SRPX: variants seen among roughly 807,000 people sequenced by gnomAD.
SRPX encodes the protein sushi repeat containing protein X-linked, also known as sushi repeat-containing protein SRPX.
In SRPX, 24 loss-of-function variants were observed where a neutral mutation model predicts 38.1. That is an observed-to-expected ratio of 0.63 (90% CI 0.46 to 0.89). The LOEUF (loss-of-function observed/expected upper bound fraction) is 0.89. Among genes scored for constraint, SRPX ranks in the 40% least tolerant of loss-of-function variants. SRPX has a pLI of 0.00. For synonymous variants in SRPX, 184 were observed against 153.8 expected, an observed-to-expected ratio of 1.20 and a Z score of -1.45; for missense variants, 416 against 377.8, an observed-to-expected ratio of 1.10 and a Z score of -0.84.
chrX:38,172,201 C>A lies in SRPX; in HGVS notation c.350-144G>T, dbSNP rs970094461. The A allele has an allele frequency of 1.1e-5, 7 of 614,841 alleles. No individual in the cohort carries two copies. The South Asian group carries it at 2.4e-4, about 21-fold the overall frequency. The allele number at this position is 614,841 out of a possible 1,213,427, so 50.7% of individuals were successfully genotyped here. On this transcript the variant is annotated intron_variant, in intron 3 of 9. Transcript: ENST00000378533. Reference sequence around the variant, plus strand: ...AGGCGCAGTGGCTCACTCCTGTAATCCCAGCACTTTGGGAGGTCGAGGCAG... The same window carrying A: ...AGGCGCAGTGGCTCACTCCTGTAATACCAGCACTTTGGGAGGTCGAGGCAG...
chrX:38,204,016 A>G (rs1346368888), intron 1 of SRPX, among the ~76,000 whole-genome samples: 1 of 112,602 alleles, frequency 8.9e-6, no homozygotes, highest in Non-Finnish European at 1.9e-5. Context: ...AAAATGAAAT[A>G]CTTATAAATC....
At chrX:38,190,098 T>A (rs1464815825) in intron 1 of SRPX, among the ~76,000 whole-genome samples, 1 of 112,172 alleles carries the variant, frequency 8.9e-6, no homozygotes, top group Non-Finnish European at 1.9e-5. Flanking sequence ...TTCTGGCACA[T>A]CTTGGCAAAA....
At chrX:38,161,151 G>A in intron 5 of SRPX, 97 bp from the exon 6 acceptor site, 2 of 983,140 alleles carry the variant, frequency 2.0e-6, no homozygotes, top group Non-Finnish European at 2.7e-6. Flanking sequence ...AGAGACTGAG[G>A]GGCAACCATT....
rs758147320 is a variant in SRPX, at chrX:38,149,829, T to C, written c.1277A>G (p.Lys426Arg). The part of the protein sequence containing the change: ...MVLVDKHGMD[K>R]ERYVSLVMPV... ...CATCACCAGGGAGACATAGCGCTCT[T>C]TGTCCATGCCATGCTTATCCACTAG... Residue 426 changes from lysine (K) to arginine (R), a missense_variant, in exon 10 of 10, where the codon AAA becomes AGA. Physicochemically the swap from Lys to Arg is conservative, Grantham distance 26 (BLOSUM62 2). Transcript: ENST00000378533. 1.7e-6 allele frequency: 2 copies of C among 1,211,181 alleles called. No individual in the cohort carries two copies. Among genetic ancestry groups the C allele is most frequent in the South Asian group, 3.5e-5 (2 of 56,809 alleles).
intron 8 of SRPX, 83 bp from the exon 9 acceptor site, chrX:38,154,666 G>A: frequency 9.1e-7 from 1 of 1,101,671 alleles, no homozygotes. Context: ...GACAGAAGCA[G>A]CACTGGCCTG....
intron 8 of SRPX, among the ~76,000 whole-genome samples, 188 bp downstream of exon 8, chrX:38,156,708 T>C (rs1938138479): frequency 8.9e-6 from 1 of 112,447 alleles, no homozygotes; most frequent in African/African-American, 3.2e-5. Context: ...GGGTTAACTC[T>C]AAGGAGTCAA....
chrX:38,199,170 G>T (rs373841546), intron 1 of SRPX, among the ~76,000 whole-genome samples: 1 of 111,727 alleles, frequency 9.0e-6, no homozygotes, highest in East Asian at 2.8e-4. Context: ...ACTTTGGGAG[G>T]CCGAGGCGGG....
intron 1 of SRPX, among the ~76,000 whole-genome samples, chrX:38,212,039 G>T (rs900549598): frequency 1.8e-5 from 2 of 112,077 alleles, no homozygotes; most frequent in Admixed American, 1.9e-4. Flanking sequence ...CGGAGTGGCA[G>T]GAGCGGCCCT....
intron 1 of SRPX, among the ~76,000 whole-genome samples, chrX:38,184,959 A>T (rs1434903169): frequency 8.9e-6 from 1 of 112,179 alleles, no homozygotes; most frequent in Non-Finnish European, 1.9e-5. Flanking sequence ...AAACAAGAGA[A>T]GTGAATGTTT....
chrX:38,163,806 A>C (rs923022580), intron 5 of SRPX, among the ~76,000 whole-genome samples: 1 of 112,304 alleles, frequency 8.9e-6, no homozygotes, highest in Admixed American at 9.4e-5. Flanking sequence ...TTTTAAAAAT[A>C]AATTAAAAAG....
At chrX:38,162,060 T>C (rs948741861) in intron 5 of SRPX, among the ~76,000 whole-genome samples, 2 of 112,334 alleles carry the variant, frequency 1.8e-5, no homozygotes, top group Non-Finnish European at 3.8e-5. Context: ...TTTTGAGACA[T>C]GCTGCTGTTG....
At chrX:38,191,083 C>T (rs1938895143) in intron 1 of SRPX, among the ~76,000 whole-genome samples, 1 of 111,690 alleles carries the variant, frequency 9.0e-6, no homozygotes, top group Non-Finnish European at 1.9e-5. Flanking sequence ...AAAGAGAGAT[C>T]CCACAATATT....
At position 38,218,403 on chromosome X, in the gene SRPX, A is replaced by C. The variant is rs764298206; in HGVS notation, c.97+2293T>G. On this transcript the variant is annotated intron_variant, in intron 1 of 9. Coordinates refer to ENST00000378533, the MANE Select transcript of SRPX (RefSeq NM_006307.5). ...TTTCTACAAATTTTCCATACACTTC[A>C]TGTAGGTTTTTATAGACACTGCATC... Among the ~76,000 whole-genome samples, 4 of 112,627 alleles carry C rather than the reference A, an allele frequency of 3.6e-5. No individual in the cohort carries two copies. The East Asian group carries it at 1.1e-3, about 31-fold the overall frequency.
At chrX:38,183,407 T>C (rs770509630) in intron 1 of SRPX, among the ~76,000 whole-genome samples, 1 of 111,964 alleles carries the variant, frequency 8.9e-6, no homozygotes, top group African/African-American at 3.2e-5. Flanking sequence ...GCTGCCACTC[T>C]CAGAAAATTT....
At chrX:38,220,337 G>C (rs1463914014) in intron 1 of SRPX, among the ~76,000 whole-genome samples, 1 of 113,507 alleles carries the variant, frequency 8.8e-6, no homozygotes, top group East Asian at 2.8e-4. Flanking sequence ...CCATGTGAGA[G>C]GCAAAATTCT....
intron 3 of SRPX, among the ~76,000 whole-genome samples, chrX:38,172,386 G>A (rs1938490605): frequency 8.8e-6 from 1 of 113,234 alleles, no homozygotes; most frequent in South Asian, 3.6e-4. Context: ...CCAGGAGGCA[G>A]AGGTTGCGGC....
chrX:38,197,861 T>C (rs1340288512), intron 1 of SRPX, among the ~76,000 whole-genome samples: 2 of 111,770 alleles, frequency 1.8e-5, no homozygotes, highest in Non-Finnish European at 3.8e-5. Context: ...CTAGATGTCA[T>C]GTAGAGCTGA....
chrX:38,220,653 C>T (rs1939500118), intron 1 of SRPX, 43 bp downstream of exon 1: 1 of 1,184,726 alleles, frequency 8.4e-7, no homozygotes, highest in Non-Finnish European at 1.1e-6. Context: ...CTCCGGGGGT[C>T]TTTGGTGCCC....
intron 1 of SRPX, among the ~76,000 whole-genome samples, chrX:38,192,244 A>T (rs1569211690): frequency 8.9e-6 from 1 of 112,039 alleles, no homozygotes; most frequent in Non-Finnish European, 1.9e-5. Flanking sequence ...TCAGTTGCTT[A>T]TAATTTGAAA....
Sources: gnomAD v4.1 joint callset for allele counts (sites outside exome capture counted in the v4.1 genomes callset) on GRCh38, gnomAD v4.1.1 for gene constraint, MANE v1.5 for transcripts, NCBI Gene and HGNC (gene_info 2026-07-23, HGNC 2026-07-21) for gene names.